Variants in UNC5D observed in about 807,000 individuals in gnomAD.
UNC5D encodes the protein netrin receptor UNC5D.
Under a neutral mutation model 105.4 loss-of-function variants are expected in UNC5D, and 39 were observed. The observed-to-expected ratio is 0.37, with a 90% CI of 0.29 to 0.48. The LOEUF (loss-of-function observed/expected upper bound fraction) is 0.48. UNC5D is among the 20% of genes least tolerant of loss of function. The pLI is 0.98. For missense variants in UNC5D, 991 were observed against 1,202.4 expected (o/e 0.82, Z 2.60); for synonymous variants, 452 against 450.4 (o/e 1.00, Z -0.04).
chr8:35,568,712 T>G (rs1190497568), intron 3 of UNC5D, among the ~76,000 whole-genome samples: 3 of 152,160 alleles, frequency 2.0e-5, no homozygotes, highest in Non-Finnish European at 4.4e-5. Context: ...ATAAATAAGT[T>G]TGATAATTTC....
chr8:35,516,498 A>G (rs1243466496), intron 1 of UNC5D, among the ~76,000 whole-genome samples: 1 of 152,246 alleles, frequency 6.6e-6, no homozygotes, highest in Non-Finnish European at 1.5e-5. Flanking sequence ...ACAATCTGCT[A>G]GAAGCCACTG....
intron 4 of UNC5D, among the ~76,000 whole-genome samples, chr8:35,657,899 A>G (rs1471067683): frequency 1.3e-5 from 2 of 152,200 alleles, no homozygotes; most frequent in Non-Finnish European, 2.9e-5. Context: ...GCACAGTATT[A>G]TAACTTCCTA....
intron 11 of UNC5D, among the ~76,000 whole-genome samples, chr8:35,746,733 A>G (rs1339246274): frequency 6.6e-6 from 1 of 152,198 alleles, no homozygotes; most frequent in Non-Finnish European, 1.5e-5. Flanking sequence ...AATATGTTCA[A>G]CAAGGAGGAT....
intron 1 of UNC5D, among the ~76,000 whole-genome samples, chr8:35,320,976 T>C (rs1187173969): frequency 6.6e-6 from 1 of 152,204 alleles, no homozygotes; most frequent in Non-Finnish European, 1.5e-5. Context: ...TTTGTCCTTT[T>C]TTTCTTCAAA....
intron 1 of UNC5D, among the ~76,000 whole-genome samples, chr8:35,495,473 A>AAAAAAAAAG (rs1811512609): frequency 6.6e-6 from 1 of 151,020 alleles, no homozygotes. Context: ...AAAAAAAAAA[A>AAAAAAAAAG]AAAAAAAAGC....
intron 1 of UNC5D, among the ~76,000 whole-genome samples, chr8:35,274,166 A>G (rs143889471): frequency 1.3e-5 from 2 of 152,274 alleles, no homozygotes; most frequent in Non-Finnish European, 2.9e-5. Flanking sequence ...TAGAGAGTAA[A>G]ATCTTTTCTT....
chr8:35,282,995 T>C (rs1806303714), intron 1 of UNC5D, among the ~76,000 whole-genome samples: 1 of 152,222 alleles, frequency 6.6e-6, no homozygotes, highest in African/African-American at 2.4e-5. Context: ...TTCAATGTTT[T>C]ATAACTCCCA....
Position 35,759,477 on chromosome 8 carries a change from C to T in UNC5D, c.2313+8C>T. ...CCATTCACTGCCTGCCAGGTACTGGCCAAATGGGTTTCTAACAGAAACGGC... is the reference window on the plus strand; with the variant it reads ...CCATTCACTGCCTGCCAGGTACTGGTCAAATGGGTTTCTAACAGAAACGGC... On this transcript the variant is annotated splice_region_variant and intron_variant, in intron 14 of 16. Coordinates refer to ENST00000404895, the MANE Select transcript of UNC5D (RefSeq NM_080872.4). 1 of 1,606,622 alleles carries T rather than the reference C, an allele frequency of 6.2e-7. No individual in the cohort carries two copies. The highest frequency in any genetic ancestry group is 1.1e-5 in the South Asian group (1 of 89,296).
At position 35,721,330 on chromosome 8, in the gene UNC5D, C is replaced by T. The variant is rs1482683030; in HGVS notation, c.1118-880C>T. 2.1e-5 allele frequency: 14 copies of T among 680,870 alleles called. No individual in the cohort carries two copies. In the East Asian group the frequency reaches 3.5e-4, roughly 17 times the overall value. 42.2% of individuals were successfully genotyped at this position (680,870 alleles called of 1,614,324 possible). A position where few individuals can be genotyped will look rare whatever the true frequency, so the allele number is the denominator to read the frequency against. On this transcript the variant is annotated intron_variant, in intron 8 of 16. Transcript: ENST00000404895. ...CATGGATCTGCTACAGGAATAACCA[C>T]ATCCAACGCACCTCTAGAAAAAAGG...
intron 1 of UNC5D, among the ~76,000 whole-genome samples, chr8:35,493,655 C>T (rs558320531): frequency 1.3e-5 from 2 of 152,112 alleles, no homozygotes; most frequent in Non-Finnish European, 1.5e-5. Flanking sequence ...GTTGGTGTTA[C>T]AAATATGAAA....
In UNC5D at chr8:35,386,537, G is replaced by A. The variant is rs73588034; in HGVS notation, c.103+150650G>A. 3.2e-3 allele frequency among the ~76,000 whole-genome samples: 491 copies of A among 152,296 alleles called. 2 individuals are homozygous for A. Among genetic ancestry groups the A allele is most frequent in the African/African-American group, 0.011 (445 of 41,562 alleles). ...AAAAGCCTGAGGAGGGAAAAAAAACGTCTAGCTTGTAATTTTAGAAGAGCT... is the reference window on the plus strand; with the variant it reads ...AAAAGCCTGAGGAGGGAAAAAAAACATCTAGCTTGTAATTTTAGAAGAGCT... On this transcript the variant is annotated intron_variant, in intron 1 of 16. Transcript: ENST00000404895.
intron 4 of UNC5D, among the ~76,000 whole-genome samples, chr8:35,676,727 C>T (rs532697995): frequency 1.3e-5 from 2 of 152,156 alleles, no homozygotes; most frequent in South Asian, 2.1e-4. Flanking sequence ...TGGGCAGTAG[C>T]ACATATGCAC....
chr8:35,339,188 C>T (rs1458675338), intron 1 of UNC5D, among the ~76,000 whole-genome samples: 1 of 152,162 alleles, frequency 6.6e-6, no homozygotes, highest in Non-Finnish European at 1.5e-5. Context: ...CTATCCATTC[C>T]TCCTTCCTTC....
chr8:35,562,873 T>G (rs942751505), intron 2 of UNC5D, among the ~76,000 whole-genome samples: 2 of 152,092 alleles, frequency 1.3e-5, no homozygotes, highest in African/African-American at 4.8e-5. Context: ...ATTAAATAAA[T>G]TTTTGCCTCA....
At chr8:35,297,407 T>G (rs1807574260) in intron 1 of UNC5D, among the ~76,000 whole-genome samples, 1 of 152,194 alleles carries the variant, frequency 6.6e-6, no homozygotes, top group Non-Finnish European at 1.5e-5. Context: ...TCTGAAATGA[T>G]GTCGTGACCA....
chr8:35,382,061 AT>A (rs1803079749), intron 1 of UNC5D, among the ~76,000 whole-genome samples: 1 of 152,262 alleles, frequency 6.6e-6, no homozygotes, highest in African/African-American at 2.4e-5. Flanking sequence ...GGATTTAAAA[AT>A]AACTTTGTAA....
In UNC5D at chr8:35,579,483, G is replaced by C. The variant is rs1818327890; in HGVS notation, c.466+11242G>C. Among the ~76,000 whole-genome samples, 2 of 152,162 alleles carry C rather than the reference G, an allele frequency of 1.3e-5. 1 individual carries two copies. The highest frequency in any genetic ancestry group is 1.3e-4 in the Admixed American group (2 of 15,282). ...CAATATATTTTAGGAGCCACCAAGA[G>C]TGACAATTTACTGATCCCTGAGGCC... On this transcript the variant is annotated intron_variant, in intron 3 of 16. Coordinates refer to ENST00000404895, the MANE Select transcript of UNC5D (RefSeq NM_080872.4).
intron 1 of UNC5D, among the ~76,000 whole-genome samples, chr8:35,536,408 T>C (rs550716127): frequency 6.6e-6 from 1 of 152,352 alleles, no homozygotes; most frequent in East Asian, 1.9e-4. Context: ...TTAGGCGATT[T>C]CCAGAAGAAG....
chr8:35,753,469 T>C (rs1205523250), intron 13 of UNC5D, among the ~76,000 whole-genome samples: 2 of 151,986 alleles, frequency 1.3e-5, no homozygotes, highest in African/African-American at 4.8e-5. Flanking sequence ...TGGGGTTTCA[T>C]CATATTAGCC....
Sources: gnomAD v4.1 joint callset for allele counts (sites outside exome capture counted in the v4.1 genomes callset) on GRCh38, gnomAD v4.1.1 for gene constraint, MANE v1.5 for transcripts, NCBI Gene and HGNC (gene_info 2026-07-23, HGNC 2026-07-21) for gene names.